The following EVA1A variants were observed in gnomAD, a reference collection of about 807,000 sequenced individuals.
The protein encoded by EVA1A is eva-1 homolog A, regulator of programmed cell death.
EVA1A carries 7 observed loss-of-function variants against 9.8 expected under a neutral mutation model. That is an observed-to-expected ratio of 0.71 (90% CI 0.41 to 1.34). EVA1A has a LOEUF of 1.34. Among genes scored for constraint, EVA1A ranks in the 40% most tolerant of loss-of-function variants. EVA1A has a pLI of 0.01. For missense variants in EVA1A, 206 were observed against 205.9 expected (o/e 1.00, Z 0.00); for synonymous variants, 90 against 85.6 (o/e 1.05, Z -0.28).
At chr2:75,495,752 C>T (rs886422876) in intron 3 of EVA1A, among the ~76,000 whole-genome samples, 3 of 152,020 alleles carry the variant, frequency 2.0e-5, no homozygotes, top group Admixed American at 2.0e-4. Flanking sequence ...CCACCTGTAC[C>T]CCCAAAACTA....
intron 3 of EVA1A, among the ~76,000 whole-genome samples, chr2:75,505,518 G>A (rs576190684): frequency 1.4e-4 from 21 of 152,260 alleles, no homozygotes; most frequent in African/African-American, 4.8e-4. Context: ...GTACGTATGT[G>A]GGTATGCGTA....
intron 2 of EVA1A, 140 bp from the exon 3 acceptor site, chr2:75,518,348 C>G (rs1172884328): frequency 2.1e-6 from 2 of 944,166 alleles, no homozygotes; most frequent in East Asian, 5.8e-5. Flanking sequence ...ACTACAGACC[C>G]TCTCTGGCCA....
chr2:75,566,903 A>G (rs1253710347), intron 1 of EVA1A, among the ~76,000 whole-genome samples: 1 of 152,034 alleles, frequency 6.6e-6, no homozygotes, highest in African/African-American at 2.4e-5. Context: ...CACCTCTTCT[A>G]CATTTTTCAT....
At chr2:75,544,117 T>C (rs927910954) in intron 1 of EVA1A, among the ~76,000 whole-genome samples, 1 of 152,188 alleles carries the variant, frequency 6.6e-6, no homozygotes, top group African/African-American at 2.4e-5. Flanking sequence ...ACCATGAATA[T>C]GTTTGAACAC....
intron 3 of EVA1A, among the ~76,000 whole-genome samples, chr2:75,507,109 C>T (rs1352954362): frequency 6.6e-6 from 1 of 152,156 alleles, no homozygotes; most frequent in African/African-American, 2.4e-5. Context: ...GCAGAGCCTC[C>T]CATCAAGACA....
At chr2:75,567,016 T>G (rs2104009954) in intron 1 of EVA1A, among the ~76,000 whole-genome samples, 1 of 152,174 alleles carries the variant, frequency 6.6e-6, no homozygotes, top group Non-Finnish European at 1.5e-5. Context: ...AATTGAGAGA[T>G]TTCAATGATA....
intron 3 of EVA1A, among the ~76,000 whole-genome samples, chr2:75,514,659 G>A (rs954182359): frequency 3.3e-5 from 5 of 151,960 alleles, no homozygotes; most frequent in African/African-American, 1.2e-4. Flanking sequence ...ATGGTGTGTG[G>A]CAACAGGCTT....
chr2:75,513,026 C>A (rs748762949), intron 3 of EVA1A, among the ~76,000 whole-genome samples: 6 of 152,180 alleles, frequency 3.9e-5, no homozygotes, highest in African/African-American at 1.4e-4. Context: ...TCTACTGGAA[C>A]CTCCTTCCAT....
At chr2:75,518,280 C>T in intron 2 of EVA1A, 72 bp from the exon 3 acceptor site, 1 of 1,400,426 alleles carries the variant, frequency 7.1e-7, no homozygotes, top group East Asian at 2.5e-5. Context: ...GTAGCCTGGA[C>T]TCCTAAAGAC....
intron 3 of EVA1A, among the ~76,000 whole-genome samples, chr2:75,508,814 T>G (rs887899625): frequency 2.0e-5 from 3 of 152,134 alleles, no homozygotes; most frequent in Admixed American, 1.3e-4. Context: ...CTCTCTTTTG[T>G]ACTCTGTCCC....
At chr2:75,521,011 C>T (rs1286241794) in intron 2 of EVA1A, among the ~76,000 whole-genome samples, 1 of 152,248 alleles carries the variant, frequency 6.6e-6, no homozygotes, top group East Asian at 1.9e-4. Context: ...TACAACTCAA[C>T]AACTAAAAAC....
chr2:75,519,969 C>G (rs1366018212), intron 2 of EVA1A, among the ~76,000 whole-genome samples: 1 of 152,138 alleles, frequency 6.6e-6, no homozygotes, highest in African/African-American at 2.4e-5. Context: ...TTCTATAGTA[C>G]AAATATGATC....
At chr2:75,551,885 A>C (rs1285301973) in intron 1 of EVA1A, among the ~76,000 whole-genome samples, 1 of 152,164 alleles carries the variant, frequency 6.6e-6, no homozygotes, top group Non-Finnish European at 1.5e-5. Context: ...ACCTTTGGTT[A>C]AAGTTTGTTT....
intron 3 of EVA1A, among the ~76,000 whole-genome samples, chr2:75,494,892 G>A (rs1026850889): frequency 1.3e-5 from 2 of 152,204 alleles, no homozygotes; most frequent in Middle Eastern, 3.2e-3. Context: ...TCTTTCCTTG[G>A]TGAGAGAAGA....
At chr2:75,565,995 C>T (rs1410555533) in intron 1 of EVA1A, among the ~76,000 whole-genome samples, 1 of 152,196 alleles carries the variant, frequency 6.6e-6, no homozygotes, top group Non-Finnish European at 1.5e-5. Flanking sequence ...CTCTTTCTCT[C>T]TCTATCTCTC....
chr2:75,503,389 T>A (rs1674499334), intron 3 of EVA1A, among the ~76,000 whole-genome samples: 1 of 152,208 alleles, frequency 6.6e-6, no homozygotes, highest in African/African-American at 2.4e-5. Context: ...TTTCCCTTAA[T>A]AAATAAAAAT....
At chr2:75,517,060 C>A (rs79624238) in intron 3 of EVA1A, among the ~76,000 whole-genome samples, 2,353 of 152,148 alleles carry the variant, frequency 0.015, 57 homozygotes, top group African/African-American at 0.054. Context: ...AGAACAAGAC[C>A]CTGAGCAGTC....
At chr2:75,562,912 A>C (rs143104028), upstream of EVA1A, among the ~76,000 whole-genome samples, 2 of 152,352 alleles carry the variant, frequency 1.3e-5, no homozygotes, top group East Asian at 1.9e-4. Context: ...AAAGAAATAA[A>C]TAGATAGGGC....
At chr2:75,552,869 A>C (rs1045656249) in intron 1 of EVA1A, among the ~76,000 whole-genome samples, 1 of 152,212 alleles carries the variant, frequency 6.6e-6, no homozygotes, top group African/African-American at 2.4e-5. Context: ...TAACATGCTA[A>C]CTGGTCTTTT....
Sources: allele counts gnomAD v4.1 joint callset (sites outside exome capture counted in the v4.1 genomes callset), GRCh38; gene constraint gnomAD v4.1.1; transcripts MANE v1.5; gene names NCBI Gene and HGNC (gene_info 2026-07-23, HGNC 2026-07-21).